ZNF407: variants seen among roughly 807,000 people sequenced by gnomAD.
ZNF407 encodes the protein zinc finger protein 407.
In ZNF407, 17 loss-of-function variants were observed where a neutral mutation model predicts 131.2. The observed-to-expected ratio is 0.13, with a 90% CI of 0.09 to 0.19. The LOEUF (loss-of-function observed/expected upper bound fraction) is 0.19. Among genes scored for constraint, ZNF407 ranks in the 10% least tolerant of loss-of-function variants. ZNF407 has a pLI of 1.00. For synonymous variants in ZNF407, 1,156 were observed against 1,062.0 expected (o/e 1.09, Z -1.72); for missense variants, 2,681 against 2,830.6 (o/e 0.95, Z 1.20).
chr18:74,804,384 C>T (rs1970076431), intron 4 of ZNF407: 3 of 1,025,126 alleles, frequency 2.9e-6, no homozygotes, highest in Non-Finnish European at 3.5e-6. Flanking sequence ...TGCCATGTGA[C>T]AAATGCCTGG....
In ZNF407 at chr18:74,669,664, A is replaced by G. The variant is rs151108848; in HGVS notation, c.4802+28542A>G. Among the ~76,000 whole-genome samples, 17 of 152,176 alleles carry G rather than the reference A, an allele frequency of 1.1e-4. No individual in the cohort carries two copies. In the East Asian group the frequency reaches 3.3e-3, roughly 29 times the overall value. The stretch of plus-strand genomic sequence containing the variant: ...TCTGGCTCTCCACCTCCTCCAGCTG[A>G]GCCTGCAGCTTGTGTGCCTGGCCTG... On this transcript the variant is annotated intron_variant, in intron 3 of 8. Transcript: ENST00000299687.
chr18:74,897,633 A>AT (rs897187559), intron 7 of ZNF407, among the ~76,000 whole-genome samples: 1 of 151,624 alleles, frequency 6.6e-6, no homozygotes, highest in Non-Finnish European at 1.5e-5. Context: ...AAAATAGAAA[A>AT]TTTTTTTTTG....
At chr18:74,826,226 T>C (rs1242703146) in intron 4 of ZNF407, among the ~76,000 whole-genome samples, 1 of 152,186 alleles carries the variant, frequency 6.6e-6, no homozygotes, top group African/African-American at 2.4e-5. Flanking sequence ...AGTCTAGACA[T>C]GTGGTTGTAC....
At chr18:74,942,022 A>C (rs568042634) in intron 8 of ZNF407, among the ~76,000 whole-genome samples, 1 of 152,190 alleles carries the variant, frequency 6.6e-6, no homozygotes, top group African/African-American at 2.4e-5. Flanking sequence ...TGTTGGGTTG[A>C]AGATCGCTGT....
rs202230051 is a variant in ZNF407 at position 75,008,755 on chromosome 18, T to G, written c.5429-54395T>G. Among the ~76,000 whole-genome samples, 6 of 152,350 alleles carry G rather than the reference T, an allele frequency of 3.9e-5. No individual in the cohort carries two copies. In the East Asian group the frequency reaches 1.2e-3, roughly 29 times the overall value. On this transcript the variant is annotated intron_variant, in intron 8 of 8. Transcript: ENST00000299687. The stretch of plus-strand genomic sequence containing the variant: ...GGTAATAGGAACATTTCCACTACCT[T>G]CTGATCTTTTGCGGTTTTACTTTTT...
At chr18:74,979,146 A>G (rs1972559851) in intron 8 of ZNF407, among the ~76,000 whole-genome samples, 1 of 152,070 alleles carries the variant, frequency 6.6e-6, no homozygotes, top group African/African-American at 2.4e-5. Flanking sequence ...TAAGGAAGGA[A>G]GAAGTAGAAC....
intron 3 of ZNF407, among the ~76,000 whole-genome samples, chr18:74,672,479 C>CTGTTTGTTCATTGGAGCAT (rs1986184212): frequency 2.6e-5 from 2 of 75,674 alleles, no homozygotes; most frequent in Non-Finnish European, 6.8e-5. Context: ...CATTGGAGCA[C>CTGTTTGTTCATTGGAGCAT]CGTTTGTCTG....
At chr18:75,018,839 T>C (rs1487515571) in intron 8 of ZNF407, among the ~76,000 whole-genome samples, 1 of 152,146 alleles carries the variant, frequency 6.6e-6, no homozygotes, top group African/African-American at 2.4e-5. Context: ...TTTGGAAAAC[T>C]TCAGGAGTAA....
intron 4 of ZNF407, 89 bp from the exon 5 acceptor site, chr18:74,877,108 G>T (rs546813092): frequency 1.8e-5 from 21 of 1,147,126 alleles, no homozygotes; most frequent in Non-Finnish European, 2.7e-5. Context: ...CGTGTGCACC[G>T]CACCTCAGGG....
At chr18:74,680,011 T>C (rs1399141525) in intron 3 of ZNF407, among the ~76,000 whole-genome samples, 1 of 152,202 alleles carries the variant, frequency 6.6e-6, no homozygotes, top group Non-Finnish European at 1.5e-5. Flanking sequence ...ACGTGTACAA[T>C]GTAGTTGAGA....
intron 1 of ZNF407, among the ~76,000 whole-genome samples, chr18:74,630,320 G>A (rs1201112890): frequency 6.6e-6 from 1 of 151,948 alleles, no homozygotes; most frequent in Non-Finnish European, 1.5e-5. Context: ...ACAGGCGCCT[G>A]CCACCATACC....
intron 4 of ZNF407, among the ~76,000 whole-genome samples, chr18:74,790,966 A>G (rs1969814976): frequency 1.3e-5 from 2 of 152,230 alleles, no homozygotes; most frequent in Non-Finnish European, 2.9e-5. Context: ...TATTTCTACA[A>G]CAGGGTTTCC....
At chr18:74,787,030 C>T (rs1420967584) in intron 4 of ZNF407, among the ~76,000 whole-genome samples, 1 of 151,882 alleles carries the variant, frequency 6.6e-6, no homozygotes, top group Non-Finnish European at 1.5e-5. Flanking sequence ...TGGTCTCAAA[C>T]TCCTCACCTC....
At chr18:74,964,241 A>C (rs942477136) in intron 8 of ZNF407, among the ~76,000 whole-genome samples, 1 of 152,198 alleles carries the variant, frequency 6.6e-6, no homozygotes, top group African/African-American at 2.4e-5. Context: ...TGTACTAAGC[A>C]CTGAAGTCAC....
intron 8 of ZNF407, among the ~76,000 whole-genome samples, chr18:74,998,518 AT>A (rs956537612): frequency 6.6e-6 from 1 of 152,082 alleles, no homozygotes; most frequent in Non-Finnish European, 1.5e-5. Context: ...TGATGTACAT[AT>A]TTTTTTCAAT....
At chr18:74,830,009 G>T (rs1256286597) in intron 4 of ZNF407, among the ~76,000 whole-genome samples, 4 of 152,044 alleles carry the variant, frequency 2.6e-5, no homozygotes, top group Non-Finnish European at 4.4e-5. Flanking sequence ...ATTTTGATGG[G>T]ATTGGTTTCC....
At chr18:74,939,601 A>T (rs1972074847) in intron 8 of ZNF407, among the ~76,000 whole-genome samples, 1 of 152,230 alleles carries the variant, frequency 6.6e-6, no homozygotes, top group South Asian at 2.1e-4. Context: ...CAAAACAGTG[A>T]GATGCCCCTT....
rs1219877106 is a variant in ZNF407, at chr18:75,064,605, C to T, written c.*137C>T. 12 of 802,802 alleles carry T rather than the reference C, an allele frequency of 1.5e-5. No individual in the cohort carries two copies. The Admixed American group carries it at 2.6e-4, about 17-fold the overall frequency. 49.7% of individuals were successfully genotyped at this position (802,802 alleles called of 1,614,324 possible). A position where few individuals can be genotyped will look rare whatever the true frequency, so the allele number is the denominator to read the frequency against. The stretch of plus-strand genomic sequence containing the variant: ...TCCCGTGAGCTCTGAGCATGCCCTC[C>T]CAGCGAGAGTCACACTGGCCACCAG... On this transcript the variant is annotated 3_prime_UTR_variant, in exon 9 of 9. Transcript: ENST00000299687.
intron 4 of ZNF407, among the ~76,000 whole-genome samples, chr18:74,856,393 T>C (rs1359624150): frequency 6.6e-6 from 1 of 152,212 alleles, no homozygotes; most frequent in East Asian, 1.9e-4. Context: ...CTGTGAAACA[T>C]TTATGACTAT....
Sources: gnomAD v4.1 joint callset for allele counts (sites outside exome capture counted in the v4.1 genomes callset) on GRCh38, gnomAD v4.1.1 for gene constraint, MANE v1.5 for transcripts, NCBI Gene and HGNC (gene_info 2026-07-23, HGNC 2026-07-21) for gene names.